The following CUBN variants were observed in gnomAD, a reference collection of about 807,000 sequenced individuals.
CUBN encodes the protein 460 kDa receptor.
A neutral mutation model predicts 405.3 loss-of-function variants in CUBN; 282 were observed. The ratio of observed to expected loss-of-function variants is 0.70; its 90% CI spans 0.63 to 0.77. CUBN has a LOEUF of 0.77. Among genes scored for constraint, CUBN ranks in the 30% least tolerant of loss-of-function variants. CUBN has a pLI of 0.00. For missense variants in CUBN, 4,514 were observed against 4,475.2 expected, an observed-to-expected ratio of 1.01 and a Z score of -0.25; for synonymous variants, 1,684 against 1,617.0, an observed-to-expected ratio of 1.04 and a Z score of -0.99.
intron 43 of CUBN, among the ~76,000 whole-genome samples, chr10:16,921,279 T>C (rs891537829): frequency 6.6e-6 from 1 of 152,222 alleles, no homozygotes; most frequent in Non-Finnish European, 1.5e-5. Flanking sequence ...TTCCATTTGT[T>C]ACCCCTAATT....
At chr10:16,929,491 A>T (rs900094480) in intron 40 of CUBN, among the ~76,000 whole-genome samples, 1 of 152,228 alleles carries the variant, frequency 6.6e-6, no homozygotes. Flanking sequence ...TTATACAACC[A>T]GCCACATGGA....
At position 16,876,962 on chromosome 10, in the gene CUBN, A is replaced by C; in HGVS notation, c.9041T>G (p.Leu3014Arg). 1 of 1,614,218 alleles carries C rather than the reference A, an allele frequency of 6.2e-7. No individual in the cohort carries two copies. ...PAPLTIAGPV[L>R]LNFYSNEQIT... The stretch of plus-strand genomic sequence containing the variant: ...TTGCTCGTTGGAGTAGAAGTTAAGC[A>C]GAACCGGCCCAGCGATGGTGAGGGG... Residue 3014 changes from leucine (L) to arginine (R), a missense_variant, in exon 57 of 67, where the codon CTG becomes CGG. Around this residue, in one of 5 missense-constraint regions of CUBN, gnomAD observed 1,186 missense variants for 1,186.9 expected, o/e 1.00. Coordinates refer to ENST00000377833, the MANE Select transcript of CUBN (RefSeq NM_001081.4).
intron 31 of CUBN, chr10:16,965,848 T>TA (rs61151602): frequency 0.35 from 143,178 of 408,430 alleles, 25,735 homozygotes; most frequent in Middle Eastern, 0.51. Context: ...ATTTGATTCT[T>TA]ACAGTTCCAC....
chr10:16,934,974 G>A (rs1454527379), intron 39 of CUBN, among the ~76,000 whole-genome samples: 4 of 152,158 alleles, frequency 2.6e-5, no homozygotes, highest in Non-Finnish European at 5.9e-5. Context: ...CTGACACACT[G>A]ACTGCTTTTC....
chr10:16,829,928 G>GTTT (rs140936674), intron 65 of CUBN, among the ~76,000 whole-genome samples: 1 of 145,318 alleles, frequency 6.9e-6, no homozygotes, highest in Non-Finnish European at 1.5e-5. Flanking sequence ...TTCATGGTGG[G>GTTT]TTTTTTTTGT....
chr10:16,872,670 T>C (rs2131371998), intron 58 of CUBN, among the ~76,000 whole-genome samples: 1 of 152,320 alleles, frequency 6.6e-6, no homozygotes, highest in Admixed American at 6.5e-5. Context: ...TTTTGTTGTT[T>C]ATAAGCCACC....
intron 66 of CUBN, among the ~76,000 whole-genome samples, chr10:16,828,396 T>G (rs1386075685): frequency 6.6e-6 from 1 of 152,216 alleles, no homozygotes; most frequent in African/African-American, 2.4e-5. Context: ...AGGCTGTGCT[T>G]CTTCCTCTGC....
chr10:16,887,545 A>C (rs1335018806), intron 56 of CUBN, among the ~76,000 whole-genome samples: 1 of 152,256 alleles, frequency 6.6e-6, no homozygotes, highest in African/African-American at 2.4e-5. Flanking sequence ...CTTATCTTCC[A>C]AGGCTATTAT....
rs1210973944 is a variant in CUBN, at chr10:16,851,092, C to T, written c.9663+143G>A. The stretch of plus-strand genomic sequence containing the variant: ...AGAGCATCTATAATATTAAATGTAG[C>T]ATCACTGAAGAAAAGGTCATTTTAA... On this transcript the variant is annotated intron_variant, in intron 60 of 66. Transcript: ENST00000377833. 4.5e-6 allele frequency: 3 copies of T among 672,266 alleles called. No individual in the cohort carries two copies. In the African/African-American group the frequency reaches 5.4e-5, roughly 12 times the overall value. 41.6% of individuals were successfully genotyped at this position (672,266 alleles called of 1,614,324 possible).
intron 28 of CUBN, among the ~76,000 whole-genome samples, chr10:17,006,024 G>T (rs112433276): frequency 6.6e-6 from 1 of 152,156 alleles, no homozygotes; most frequent in Non-Finnish European, 1.5e-5. Context: ...GGCAGCATCC[G>T]CAAGCCAAGG....
chr10:17,113,414 T>C (rs961794069), intron 8 of CUBN, among the ~76,000 whole-genome samples: 1 of 78,306 alleles, frequency 1.3e-5, no homozygotes. Context: ...TTGCTCATAG[T>C]AGGCATCCTA....
intron 50 of CUBN, among the ~76,000 whole-genome samples, chr10:16,905,385 C>T (rs1426866957): frequency 1.3e-5 from 2 of 152,108 alleles, no homozygotes; most frequent in African/African-American, 4.8e-5. Context: ...AATCCTTTTC[C>T]ATCACGAAAA....
intron 12 of CUBN, among the ~76,000 whole-genome samples, 196 bp from the exon 13 acceptor site, chr10:17,103,433 G>T (rs903398015): frequency 3.3e-5 from 5 of 152,132 alleles, no homozygotes; most frequent in African/African-American, 9.7e-5. Context: ...TCAAAGCTCA[G>T]CTGATGCCTC....
chr10:17,055,064 G>A (rs538210716), intron 22 of CUBN, among the ~76,000 whole-genome samples: 2 of 151,940 alleles, frequency 1.3e-5, no homozygotes, highest in Non-Finnish European at 2.9e-5. Context: ...CTGAATACAC[G>A]TAAAAGTTAT....
intron 40 of CUBN, among the ~76,000 whole-genome samples, chr10:16,928,519 A>G (rs201058541): frequency 3.6e-5 from 3 of 84,044 alleles, no homozygotes; most frequent in African/African-American, 4.4e-5. Context: ...CCCCCACCCC[A>G]CCCCACCCCC....
At chr10:16,891,879 T>A (rs1446065630) in intron 54 of CUBN, among the ~76,000 whole-genome samples, 3 of 152,090 alleles carry the variant, frequency 2.0e-5, no homozygotes, top group Middle Eastern at 3.2e-3. Context: ...CCAGGACTAT[T>A]GCTACACAAT....
At chr10:16,950,160 CATACAGGGAGATGGGGCAAGACGGGGAGG>C in intron 33 of CUBN, 49 bp from the exon 34 acceptor site, 1 of 1,380,254 alleles carries the variant, frequency 7.2e-7, no homozygotes, top group Non-Finnish European at 1.0e-6. Flanking sequence ...GCAAATAAAA[CATACAGGGAGATGGGGCAAGACGGGGAGG>C]TGGGGATGGT....
At chr10:16,852,822 C>A (rs949271060) in intron 59 of CUBN, among the ~76,000 whole-genome samples, 1 of 152,162 alleles carries the variant, frequency 6.6e-6, no homozygotes, top group African/African-American at 2.4e-5. Context: ...ACCCAACAAA[C>A]CAAGAAAATT....
In CUBN at chr10:16,915,870, A is replaced by G. The variant is rs1235416491; in HGVS notation, c.7161T>C (p.Ser2387=). ...ISFEDFNLQN[S]SGCEKDFVEI... ...CCACGAAGTCTTTTTCACAGCCAGA[A>G]GAATTCTGAAGGTTAAAGTCTTCAA... Residue 2387 remains serine, a synonymous_variant, in exon 46 of 67, where the codon TCT becomes TCC. Coordinates refer to ENST00000377833, the MANE Select transcript of CUBN (RefSeq NM_001081.4). 2 of 1,614,136 alleles carry G rather than the reference A, an allele frequency of 1.2e-6. No individual in the cohort carries two copies. The highest frequency in any genetic ancestry group is 8.5e-7 in the Non-Finnish European group (1 of 1,180,018).
Sources: gnomAD v4.1 joint callset for allele counts (sites outside exome capture counted in the v4.1 genomes callset) on GRCh38, gnomAD v4.1.1 for gene constraint, gnomAD v4.1.1 regional missense constraint, MANE v1.5 for transcripts, NCBI Gene and HGNC (gene_info 2026-07-23, HGNC 2026-07-21) for gene names.